Variants in ADAMTS8 observed in about 807,000 individuals in gnomAD.
ADAMTS8 encodes the protein A disintegrin and metalloproteinase with thrombospondin motifs 8.
ADAMTS8 carries 50 observed loss-of-function variants against 64.4 expected under a neutral mutation model. That is an observed-to-expected ratio of 0.78 (90% CI 0.62 to 0.98). The LOEUF (loss-of-function observed/expected upper bound fraction) is 0.98, where lower values mean the gene tolerates loss of function less well. Ranked by LOEUF, ADAMTS8 falls within the 50% of genes least tolerant of loss-of-function variation. The probability of loss-of-function intolerance (pLI) is 0.00; values close to 1 mark genes in which losing one functional copy is unlikely to be tolerated. For synonymous variants in ADAMTS8, 556 were observed against 533.6 expected (o/e 1.04, Z -0.58); for missense variants, 1,192 against 1,208.2 (o/e 0.99, Z 0.20).
Position 130,411,365 on chromosome 11 carries a change from C to G in ADAMTS8, c.1750+52G>C. On this transcript the variant is annotated intron_variant, in intron 6 of 8. Transcript: ENST00000257359. The surrounding 1 kb of genome is among the most constrained non-coding windows in gnomAD (Gnocchi z 4.2). Reference sequence around the variant, plus strand: ...CTTTACACATCCTCTGGGGATGCGTCATAGCAATGATAGTAGCTGCTCTGG... The same window carrying G: ...CTTTACACATCCTCTGGGGATGCGTGATAGCAATGATAGTAGCTGCTCTGG... The G allele has an allele frequency of 6.3e-7, 1 of 1,587,000 alleles. No homozygotes were observed. The highest frequency in any genetic ancestry group is 2.2e-5 in the East Asian group (1 of 44,726).
Position 130,428,182 on chromosome 11 carries a change from C to G in ADAMTS8, c.105G>C (p.Gly35=). The change falls in exon 1 of 9, where the codon GGG becomes GGC. Residue 35 remains glycine (G), a synonymous_variant. Transcript: ENST00000257359. The stretch of plus-strand genomic sequence containing the variant: ...TGGGCACCACCAGCTCCGAGGCCTG[C>G]CCCCCGGCTGCGGGCCGGGCCGGGG... ...RGAPARPAAG[G]QASELVVPTR... is the part of the protein sequence containing the mutation. The G allele has an allele frequency of 7.6e-7, 1 of 1,319,162 alleles. No individual in the cohort carries two copies. Among genetic ancestry groups the G allele is most frequent in the Non-Finnish European group, 9.6e-7 (1 of 1,043,264 alleles). 81.7% of individuals were successfully genotyped at this position (1,319,162 alleles called of 1,614,324 possible). A position where few individuals can be genotyped will look rare whatever the true frequency, so the allele number is the denominator to read the frequency against.
At chr11:130,409,240 C>T (rs1592128618) in intron 6 of ADAMTS8, among the ~76,000 whole-genome samples, 1 of 152,166 alleles carries the variant, frequency 6.6e-6, no homozygotes, top group Non-Finnish European at 1.5e-5. Context: ...CAACAGGGAA[C>T]AATTCAGTAA....
chr11:130,419,311 C>T lies in ADAMTS8; in HGVS notation c.721-19G>A. On this transcript the variant is annotated intron_variant, in intron 1 of 8. Transcript: ENST00000257359. The stretch of plus-strand genomic sequence containing the variant: ...TGTGGTTCTGTCAGGAAGGAGGAGA[C>T]AAGAGGCGGAGTGAAGGGTTAAGTC... The T allele has an allele frequency of 6.2e-7, 1 of 1,613,568 alleles. No individual in the cohort carries two copies. Among genetic ancestry groups the T allele is most frequent in the Non-Finnish European group, 8.5e-7 (1 of 1,179,818 alleles).
chr11:130,428,154 G>C lies in ADAMTS8; in HGVS notation c.133C>G (p.Arg45Gly). ...GQASELVVPT[R>G]LPGSAGELAL... Reference sequence around the variant, plus strand: ...AGCTCGCCCGCGCTGCCGGGCAACCGCGTGGGCACCACCAGCTCCGAGGCC... The same window carrying C: ...AGCTCGCCCGCGCTGCCGGGCAACCCCGTGGGCACCACCAGCTCCGAGGCC... Residue 45 changes from arginine to glycine, a missense_variant, in exon 1 of 9, where the codon CGG becomes GGG. Arg to Gly is a moderately radical substitution (Grantham distance 125). Transcript: ENST00000257359. 1 of 1,477,670 alleles carries C rather than the reference G, an allele frequency of 6.8e-7. No homozygotes were observed. Among genetic ancestry groups the C allele is most frequent in the Non-Finnish European group, 8.9e-7 (1 of 1,122,746 alleles). 91.5% of individuals were successfully genotyped at this position (1,477,670 alleles called of 1,614,324 possible). A position where few individuals can be genotyped will look rare whatever the true frequency, so the allele number is the denominator to read the frequency against.
rs1430255536 is a variant in ADAMTS8 at position 130,428,364 on chromosome 11, G to C, written c.-78C>G. 5 of 1,224,640 alleles carry C rather than the reference G, an allele frequency of 4.1e-6. No individual in the cohort carries two copies. The highest frequency in any genetic ancestry group is 3.6e-5 in the Admixed American group (1 of 27,890). 75.9% of individuals were successfully genotyped at this position (1,224,640 alleles called of 1,614,324 possible). A position where few individuals can be genotyped will look rare whatever the true frequency, so the allele number is the denominator to read the frequency against. On this transcript the variant is annotated 5_prime_UTR_variant, in exon 1 of 9. Transcript: ENST00000257359. Reference sequence around the variant, plus strand: ...GGGCAGGTGCTGGCGGCCCGAGCGCGGCCCGGCCGCTCTCTCCAGGAAAAG... The same window carrying C: ...GGGCAGGTGCTGGCGGCCCGAGCGCCGCCCGGCCGCTCTCTCCAGGAAAAG...
rs762192973 is a variant in ADAMTS8, at chr11:130,408,791, C to G, written c.1900G>C (p.Glu634Gln). The G allele has an allele frequency of 1.2e-6, 2 of 1,614,018 alleles. No homozygotes were observed. The highest frequency in any genetic ancestry group is 1.6e-4 in the Middle Eastern group (1 of 6,084). Reference protein sequence around the residue: ...KLFCRARGRSEFKVFEAKVID... With the variant: ...KLFCRARGRSQFKVFEAKVID... ...ACCTTGGCCTCGAACACTTTGAACT[C>G]GCTCCTCCCCCGGGCTCGGCAGAAC... Residue 634 changes from glutamate (E) to glutamine (Q), a missense_variant, in exon 7 of 9, where the codon GAG (glutamate) becomes CAG (glutamine). Physicochemically the swap from Glu to Gln is conservative, Grantham distance 29 (BLOSUM62 2). This residue lies in a region of ADAMTS8 where 290 missense variants were observed against 297.8 expected (regional missense o/e 0.97). Coordinates refer to ENST00000257359, the MANE Select transcript of ADAMTS8 (RefSeq NM_007037.6).
Position 130,405,500 on chromosome 11 carries a change from T to G in ADAMTS8, c.*58A>C. Reference sequence around the variant, plus strand: ...ACCCAGTCACCACAGTGGAGACCCTTGTCTGCACCTCAGTACCGCATGTCC... The same window carrying G: ...ACCCAGTCACCACAGTGGAGACCCTGGTCTGCACCTCAGTACCGCATGTCC... On this transcript the variant is annotated 3_prime_UTR_variant, in exon 9 of 9. Transcript: ENST00000257359. 2 of 1,528,070 alleles carry G rather than the reference T, an allele frequency of 1.3e-6. No homozygotes were observed. Among genetic ancestry groups the G allele is most frequent in the Non-Finnish European group, 1.8e-6 (2 of 1,141,390 alleles). The allele number at this position is 1,528,070 out of a possible 1,614,324, so 94.7% of individuals were successfully genotyped here.
rs2242312 is a variant in ADAMTS8 at position 130,405,451 on chromosome 11, G to A, written c.*107C>T. On this transcript the variant is annotated 3_prime_UTR_variant, in exon 9 of 9. Coordinates refer to ENST00000257359, the MANE Select transcript of ADAMTS8 (RefSeq NM_007037.6). ...CGGCAATGGGAGGCCTGGGTGGGCC[G>A]TGCTGCCTTGATATGGCCAAGGGAC... 0.083 allele frequency: 123,656 copies of A among 1,498,332 alleles called. 6,452 individuals carry two copies. The highest frequency in any genetic ancestry group is 0.21 in the African/African-American group (15,041 of 71,574). 92.8% of individuals were successfully genotyped at this position (1,498,332 alleles called of 1,614,324 possible).
In ADAMTS8 at chr11:130,419,080, G is replaced by T; in HGVS notation, c.933C>A (p.Tyr311Ter). Residue 311 changes from tyrosine (Y) to a stop codon, truncating the protein, a stop_gained, in exon 2 of 9, where the codon TAC becomes TAA. Transcript: ENST00000257359. LOFTEE classifies it high-confidence loss of function. The stretch of plus-strand genomic sequence containing the variant: ...GTCTGGTGAGCAGGATGGCCGTGTC[G>T]TAGTGCTCTGGGTGGCGGTCGCTGG... ...NQPSDRHPEH[Y>*]DTAILLTRQN... The T allele has an allele frequency of 6.2e-7, 1 of 1,614,134 alleles. No individual in the cohort carries two copies. Among genetic ancestry groups the T allele is most frequent in the South Asian group, 1.1e-5 (1 of 91,080 alleles).
intron 1 of ADAMTS8, among the ~76,000 whole-genome samples, chr11:130,425,388 A>G (rs1187149186): frequency 6.6e-6 from 1 of 152,132 alleles, no homozygotes; most frequent in Admixed American, 6.5e-5. Flanking sequence ...TCCAGCGTCC[A>G]GGTGATCAGC....
In ADAMTS8 at chr11:130,427,992, C is replaced by G; in HGVS notation, c.295G>C (p.Gly99Arg). The G allele has an allele frequency of 6.5e-7, 1 of 1,528,436 alleles. No individual in the cohort carries two copies. Among genetic ancestry groups the G allele is most frequent in the Non-Finnish European group, 8.7e-7 (1 of 1,144,136 alleles). 94.7% of individuals were successfully genotyped at this position (1,528,436 alleles called of 1,614,324 possible). ...RATGGERGLR[G>R]CFFSGTVNGE... ...TTCACGGTGCCGGAGAAGAAGCAGC[C>G]GCGCAGCCCCCGCTCGCCCCCGGTC... Residue 99 changes from glycine to arginine, a missense_variant, in exon 1 of 9, where the codon GGC becomes CGC. Transcript: ENST00000257359.
At position 130,419,877 on chromosome 11, in the gene ADAMTS8, T is replaced by G. The variant is rs376622949; in HGVS notation, c.721-585A>C. Reference sequence around the variant, plus strand: ...TTTTCCTGTTGTCTATTGGGGTAACTCTACTCTTTGGGGGGGGATTTGTTA... The same window carrying G: ...TTTTCCTGTTGTCTATTGGGGTAACGCTACTCTTTGGGGGGGGATTTGTTA... On this transcript the variant is annotated intron_variant, in intron 1 of 8. Transcript: ENST00000257359. 2.6e-5 allele frequency among the ~76,000 whole-genome samples: 4 copies of G among 152,280 alleles called. No homozygotes were observed. In the East Asian group the frequency reaches 5.8e-4, roughly 22 times the overall value.
rs1424216275 is a variant in ADAMTS8 at position 130,405,502 on chromosome 11, T to C, written c.*56A>G. On this transcript the variant is annotated 3_prime_UTR_variant, in exon 9 of 9. Coordinates refer to ENST00000257359, the MANE Select transcript of ADAMTS8 (RefSeq NM_007037.6). ...CCAGTCACCACAGTGGAGACCCTTG[T>C]CTGCACCTCAGTACCGCATGTCCAG... The C allele has an allele frequency of 5.2e-6, 8 of 1,528,784 alleles. No homozygotes were observed. Among genetic ancestry groups the C allele is most frequent in the African/African-American group, 1.4e-5 (1 of 72,384 alleles). The allele number at this position is 1,528,784 out of a possible 1,614,324, so 94.7% of individuals were successfully genotyped here.
rs1180621538 is a variant in ADAMTS8 at position 130,411,551 on chromosome 11, G to A, written c.1616C>T (p.Ser539Phe). 6.2e-7 allele frequency: 1 copy of A among 1,614,174 alleles called. No homozygotes were observed. The highest frequency in any genetic ancestry group is 1.1e-5 in the South Asian group (1 of 91,078). ...CTGTACTCCTCCTCCACAGGTCCGAGAACATTCTCCCCAGGGTCCCCACGG... is the reference window on the plus strand; with the variant it reads ...CTGTACTCCTCCTCCACAGGTCCGAAAACATTCTCCCCAGGGTCCCCACGG... ...WAPWGPWGEC[S>F]RTCGGGVQFS... Residue 539 changes from serine to phenylalanine, a missense_variant, in exon 6 of 9, where the codon TCT (serine) becomes TTT (phenylalanine). Physicochemically the swap from Ser to Phe is radical, Grantham distance 155. Transcript: ENST00000257359. This position sits in a 1 kb window ranked among gnomAD's most constrained non-coding sequence, Gnocchi z 4.2.
At position 130,405,921 on chromosome 11, in the gene ADAMTS8, G is replaced by A. The variant is rs267602781; in HGVS notation, c.2307C>T (p.Ser769=). ...VKGTILKYSG[S]IATLERLQSF... ...TCTGCAGGCGCTCCAGGGTGGCGAT[G>A]GAGCCGCTGTACTTCAGGATGGTCC... Residue 769 remains serine, a synonymous_variant, in exon 9 of 9, where the codon TCC becomes TCT. Coordinates refer to ENST00000257359, the MANE Select transcript of ADAMTS8 (RefSeq NM_007037.6). 6.2e-7 allele frequency: 1 copy of A among 1,614,104 alleles called. No individual in the cohort carries two copies. The highest frequency in any genetic ancestry group is 8.5e-7 in the Non-Finnish European group (1 of 1,179,956).
In ADAMTS8 at chr11:130,405,765, C is replaced by A; in HGVS notation, c.2463G>T (p.Glu821Asp). 6.2e-7 allele frequency: 1 copy of A among 1,614,184 alleles called. No homozygotes were observed. Among genetic ancestry groups the A allele is most frequent in the Non-Finnish European group, 8.5e-7 (1 of 1,180,052 alleles). Residue 821 changes from glutamate to aspartate, a missense_variant, in exon 9 of 9, where the codon GAG becomes GAT. Glu to Asp is a conservative substitution (Grantham distance 45). This residue lies in a region of ADAMTS8 where 147 missense variants were observed against 154.1 expected (regional missense o/e 0.95). Transcript: ENST00000257359. ...GCTGGATGATGTTGGTGGTTGCTCT[C>A]TCTTTGCTGCTCTGCATGCTAAAGT... Reference protein sequence around the residue: ...DVDFSMQSSKERATTNIIQPL... With the variant: ...DVDFSMQSSKDRATTNIIQPL...
chr11:130,412,605 A>G (rs1167387177), intron 5 of ADAMTS8, among the ~76,000 whole-genome samples: 1 of 152,190 alleles, frequency 6.6e-6, no homozygotes, highest in Non-Finnish European at 1.5e-5. Context: ...TCAAAATGAA[A>G]ATAATTTTTT....
intron 5 of ADAMTS8, 72 bp downstream of exon 5, chr11:130,414,459 A>T (rs759256696): frequency 1.5e-5 from 22 of 1,491,622 alleles, no homozygotes; most frequent in Non-Finnish European, 2.0e-5. Flanking sequence ...TCTGGAGAAC[A>T]GCCCTCAGTC....
At position 130,409,087 on chromosome 11, in the gene ADAMTS8, A is replaced by T; in HGVS notation, c.1751-147T>A. 3.5e-6 allele frequency: 3 copies of T among 863,350 alleles called. No individual in the cohort carries two copies. In the East Asian group the frequency reaches 8.5e-5, roughly 25 times the overall value. The allele number at this position is 863,350 out of a possible 1,614,324, so 53.5% of individuals were successfully genotyped here. On this transcript the variant is annotated intron_variant, in intron 6 of 8. Transcript: ENST00000257359. ...CCCAGGGCCAGTGTCTTCTGGGCAC[A>T]ACATTCCTAGACGCATGTGTGACCC...
Sources: allele counts gnomAD v4.1 joint callset (sites outside exome capture counted in the v4.1 genomes callset), GRCh38; gene constraint gnomAD v4.1.1; regional missense constraint gnomAD v4.1.1; non-coding constraint Gnocchi (gnomAD v3.1); transcripts MANE v1.5; gene names NCBI Gene and HGNC (gene_info 2026-07-23, HGNC 2026-07-21).